Variants in F13A1 observed in about 807,000 individuals in gnomAD.
The protein encoded by F13A1 is coagulation factor XIII A chain.
A neutral mutation model predicts 80.1 loss-of-function variants in F13A1; 47 were observed. The observed-to-expected ratio is 0.59, with a 90% CI of 0.46 to 0.75. The LOEUF is 0.75. Among genes scored for constraint, F13A1 ranks in the 30% least tolerant of loss-of-function variants. The pLI is 0.00. For missense variants in F13A1, 817 were observed against 930.4 expected (o/e 0.88, Z 1.59); for synonymous variants, 349 against 344.9 (o/e 1.01, Z -0.13).
chr6:6,298,631 C>T (rs1376022432), intron 3 of F13A1, among the ~76,000 whole-genome samples: 1 of 149,334 alleles, frequency 6.7e-6, no homozygotes, highest in East Asian at 1.9e-4. Context: ...TTATCTTGAG[C>T]CTATGTGTGT....
intron 13 of F13A1, among the ~76,000 whole-genome samples, chr6:6,156,455 A>G (rs1435984459): frequency 6.6e-6 from 1 of 152,252 alleles, no homozygotes; most frequent in Non-Finnish European, 1.5e-5. Context: ...AAAGAGTAAC[A>G]ATAAGTGAGG....
intron 1 of F13A1, among the ~76,000 whole-genome samples, chr6:6,320,326 C>A (rs1758757453): frequency 6.6e-6 from 1 of 152,220 alleles, no homozygotes; most frequent in Non-Finnish European, 1.5e-5. Context: ...CCTCCAACTC[C>A]CCCATCCCCA....
At chr6:6,258,131 C>T (rs1442626692) in intron 4 of F13A1, among the ~76,000 whole-genome samples, 3 of 152,062 alleles carry the variant, frequency 2.0e-5, no homozygotes, top group Non-Finnish European at 2.9e-5. Flanking sequence ...ATGCCAGATA[C>T]TGATGGCTTT....
chr6:6,244,831 G>A (rs771666146), intron 6 of F13A1, among the ~76,000 whole-genome samples: 2 of 152,148 alleles, frequency 1.3e-5, no homozygotes, highest in African/African-American at 2.4e-5. Flanking sequence ...CCCTCGACAC[G>A]AGCTGAGTCG....
At chr6:6,266,522 A>T (rs372597107) in intron 4 of F13A1, 36 bp downstream of exon 4, 112 of 1,614,042 alleles carry the variant, frequency 6.9e-5, no homozygotes, top group Non-Finnish European at 9.2e-5. Context: ...AAATAGGTGA[A>T]TTTTTAAATG....
At chr6:6,296,287 T>G (rs1455397031) in intron 3 of F13A1, among the ~76,000 whole-genome samples, 2 of 151,732 alleles carry the variant, frequency 1.3e-5, no homozygotes, top group African/African-American at 4.9e-5. Flanking sequence ...GTGAAGAAAG[T>G]CACTGGTAGC....
rs561140981 is a variant in F13A1, at chr6:6,297,508, C to G, written c.319+7843G>C. 5.0e-3 allele frequency among the ~76,000 whole-genome samples: 761 copies of G among 151,172 alleles called. 13 individuals are homozygous for G. The highest frequency in any genetic ancestry group is 0.018 in the African/African-American group (718 of 40,520). ...TATGTGTCCAGAAATTTATCCATTT[C>G]TTCTAGATTTTCTAGTTTATTTGCA... On this transcript the variant is annotated intron_variant, in intron 3 of 14. Transcript: ENST00000264870.
intron 4 of F13A1, among the ~76,000 whole-genome samples, chr6:6,261,561 C>G (rs911329674): frequency 1.3e-5 from 2 of 152,268 alleles, no homozygotes; most frequent in Non-Finnish European, 2.9e-5. Context: ...GAGGGTGCTG[C>G]ACAGAAGTGG....
At chr6:6,170,333 TCTC>T (rs1760750096) in intron 12 of F13A1, among the ~76,000 whole-genome samples, 1 of 152,144 alleles carries the variant, frequency 6.6e-6, no homozygotes, top group Non-Finnish European at 1.5e-5. Context: ...ACCCCTTTCT[TCTC>T]TGAGGTAGAA....
chr6:6,305,416 A>T lies in F13A1; in HGVS notation c.254T>A (p.Val85Glu). The change falls in exon 3 of 15, where the codon GTG becomes GAG. Residue 85 changes from valine to glutamate, a missense_variant. Transcript: ENST00000264870. ...ATATGGACGACTGAAGTCAATCTGCACATAGAAAGACTGCCCTCTGCGGAC... is the reference window on the plus strand; with the variant it reads ...ATATGGACGACTGAAGTCAATCTGCTCATAGAAAGACTGCCCTCTGCGGAC... Reference protein sequence around the residue: ...LIVRRGQSFYVQIDFSRPYDP... With the variant: ...LIVRRGQSFYEQIDFSRPYDP... The T allele has an allele frequency of 6.2e-7, 1 of 1,614,242 alleles. No homozygotes were observed. The highest frequency in any genetic ancestry group is 8.5e-7 in the Non-Finnish European group (1 of 1,180,046).
chr6:6,294,812 T>C (rs202132776), intron 3 of F13A1, among the ~76,000 whole-genome samples: 1 of 151,536 alleles, frequency 6.6e-6, no homozygotes, highest in Admixed American at 6.6e-5. Flanking sequence ...GTTACATGTG[T>C]ATACATGTGC....
intron 6 of F13A1, among the ~76,000 whole-genome samples, chr6:6,245,371 C>A (rs1262741498): frequency 2.0e-5 from 3 of 152,082 alleles, no homozygotes; most frequent in Non-Finnish European, 4.4e-5. Flanking sequence ...TACAGGCATG[C>A]ATCACCATGC....
intron 3 of F13A1, among the ~76,000 whole-genome samples, chr6:6,274,931 G>C (rs1365649958): frequency 6.6e-6 from 1 of 152,194 alleles, no homozygotes; most frequent in Non-Finnish European, 1.5e-5. Flanking sequence ...ACCTGTGGCA[G>C]AAGAAGCATT....
intron 4 of F13A1, among the ~76,000 whole-genome samples, chr6:6,252,599 A>G (rs1304898646): frequency 1.3e-5 from 2 of 152,236 alleles, no homozygotes; most frequent in African/African-American, 4.8e-5. Context: ...ATATAAGTAG[A>G]TATTCATTGT....
intron 5 of F13A1, among the ~76,000 whole-genome samples, 181 bp from the exon 6 acceptor site, chr6:6,248,600 T>C (rs1329472342): frequency 6.6e-6 from 1 of 152,192 alleles, no homozygotes; most frequent in East Asian, 1.9e-4. Flanking sequence ...TCTTCTTTTG[T>C]TTTTCATTAA....
intron 8 of F13A1, among the ~76,000 whole-genome samples, chr6:6,208,325 T>G (rs114154311): frequency 0.015 from 2,249 of 152,250 alleles, 40 homozygotes; most frequent in Middle Eastern, 0.054. Context: ...GGTAGGCCAA[T>G]TGAAATTATC....
chr6:6,299,020 CTGGA>C (rs1758377909), intron 3 of F13A1, among the ~76,000 whole-genome samples: 1 of 147,598 alleles, frequency 6.8e-6, no homozygotes, highest in East Asian at 1.9e-4. Flanking sequence ...CTTAGTTTGG[CTGGA>C]TATGAAATTC....
chr6:6,271,528 A>T (rs1294719155), intron 3 of F13A1, among the ~76,000 whole-genome samples: 1 of 152,168 alleles, frequency 6.6e-6, no homozygotes, highest in Non-Finnish European at 1.5e-5. Context: ...TTCTCCCCCA[A>T]ATCATGCAAC....
intron 5 of F13A1, among the ~76,000 whole-genome samples, chr6:6,249,110 C>G (rs1048186604): frequency 2.6e-5 from 4 of 152,184 alleles, no homozygotes; most frequent in Admixed American, 6.5e-5. Context: ...GATCAAATAG[C>G]AAGACAGGAA....
Sources: gnomAD v4.1 joint callset for allele counts (sites outside exome capture counted in the v4.1 genomes callset) on GRCh38, gnomAD v4.1.1 for gene constraint, MANE v1.5 for transcripts, NCBI Gene and HGNC (gene_info 2026-07-23, HGNC 2026-07-21) for gene names.